LRRC8C: variants seen among roughly 807,000 people sequenced by gnomAD.
LRRC8C encodes the protein leucine rich repeat containing 8 VRAC subunit C.
Under a neutral mutation model 55.3 loss-of-function variants are expected in LRRC8C, and 20 were observed. The ratio of observed to expected loss-of-function variants is 0.36; its 90% CI spans 0.25 to 0.53. The LOEUF (loss-of-function observed/expected upper bound fraction) is 0.53, where lower values mean the gene tolerates loss of function less well. LRRC8C is among the 20% of genes least tolerant of loss of function. LRRC8C has a pLI of 0.92. For synonymous variants in LRRC8C, 376 were observed against 360.7 expected (o/e 1.04, Z -0.48); for missense variants, 659 against 951.4 (o/e 0.69, Z 4.04).
At chr1:89,646,520 T>C (rs758438098) in intron 1 of LRRC8C, among the ~76,000 whole-genome samples, 9 of 152,154 alleles carry the variant, frequency 5.9e-5, no homozygotes, top group South Asian at 2.1e-4. Flanking sequence ...TAAATGATCA[T>C]ATGGTTTTTC....
chr1:89,713,060 A>C lies in LRRC8C; in HGVS notation c.490A>C (p.Lys164Gln). 6.2e-7 allele frequency: 1 copy of C among 1,613,470 alleles called. No homozygotes were observed. The highest frequency in any genetic ancestry group is 8.5e-7 in the Non-Finnish European group (1 of 1,180,018). Residue 164 changes from lysine to glutamine, a missense_variant, in exon 3 of 3, where the codon AAG becomes CAG. Lys to Gln is a moderately conservative substitution (Grantham distance 53, BLOSUM62 1). Around this residue, in one of 5 missense-constraint regions of LRRC8C, gnomAD observed 200 missense variants for 360.5 expected, o/e 0.55. Transcript: ENST00000370454. This position sits in a 1 kb window ranked among gnomAD's most constrained non-coding sequence, Gnocchi z 5.2. Reference sequence around the variant, plus strand: ...AGAACATTTCATCTCCATTCTGGGGAAGTGTTTTGACTCTCCTTGGACCAC... The same window carrying C: ...AGAACATTTCATCTCCATTCTGGGGCAGTGTTTTGACTCTCCTTGGACCAC... ...KIEHFISILG[K>Q]CFDSPWTTRA...
At chr1:89,712,339 C>T (rs1018508048) in intron 2 of LRRC8C, among the ~76,000 whole-genome samples, 7 of 152,204 alleles carry the variant, frequency 4.6e-5, no homozygotes, top group Non-Finnish European at 1.0e-4. Context: ...TTTCAAACTC[C>T]TGACCTCAGG....
chr1:89,619,134 G>A, the LRRC8C span, among the ~76,000 whole-genome samples: 1 of 152,126 alleles, frequency 6.6e-6, no homozygotes, highest in Admixed American at 6.5e-5. Flanking sequence ...TGCGATTTCA[G>A]TAAACAATGA....
At position 89,694,835 on chromosome 1, in the gene LRRC8C, G is replaced by T. The variant is rs1282563842; in HGVS notation, c.138+8224G>T. ...ACTTCTGACCTCAAGTGATCCACCC[G>T]CCTCAGCCTCCCAAAGTGCTGGGAG... is the stretch of plus-strand genomic sequence containing the variant. On this transcript the variant is annotated intron_variant, in intron 2 of 2. Coordinates refer to ENST00000370454, the MANE Select transcript of LRRC8C (RefSeq NM_032270.5). Among the ~76,000 whole-genome samples the T allele has an allele frequency of 2.0e-5, 3 of 149,256 alleles. No individual in the cohort carries two copies. In the Middle Eastern group the frequency reaches 0.011, roughly 549 times the overall value.
At chr1:89,633,358 G>C (rs1435734513) in intron 1 of LRRC8C, 36 bp downstream of exon 1, 1 of 152,396 alleles carries the variant, frequency 6.6e-6, no homozygotes, top group South Asian at 2.1e-4. Flanking sequence ...ATGGAGAGGG[G>C]CAGCCCGCAG....
At chr1:89,621,747 T>C in the LRRC8C span, among the ~76,000 whole-genome samples, 224 of 152,336 alleles carry the variant, frequency 1.5e-3, 2 homozygotes, top group Non-Finnish European at 1.9e-3. Context: ...TTCCTCCCTC[T>C]TTGGATATAG....
At chr1:89,673,483 T>C (rs1657475935) in intron 1 of LRRC8C, among the ~76,000 whole-genome samples, 1 of 152,236 alleles carries the variant, frequency 6.6e-6, no homozygotes, top group Non-Finnish European at 1.5e-5. Flanking sequence ...CCAAGTGATT[T>C]CAAAATACTG....
chr1:89,673,451 T>C (rs1282096143), intron 1 of LRRC8C, among the ~76,000 whole-genome samples: 2 of 152,342 alleles, frequency 1.3e-5, no homozygotes, highest in Middle Eastern at 3.4e-3. Context: ...CCAAGCCAGC[T>C]TTCTTACTAA....
chr1:89,701,518 C>T (rs1658323916), intron 2 of LRRC8C, among the ~76,000 whole-genome samples: 1 of 151,442 alleles, frequency 6.6e-6, no homozygotes, highest in African/African-American at 2.4e-5. Context: ...GAACAATGGA[C>T]TTTATTGTCG....
intron 1 of LRRC8C, among the ~76,000 whole-genome samples, chr1:89,672,427 T>C (rs1459591506): frequency 6.6e-6 from 1 of 152,226 alleles, no homozygotes; most frequent in Non-Finnish European, 1.5e-5. Flanking sequence ...ATCACTTTAT[T>C]CACATTAACG....
chr1:89,641,198 T>C (rs922834608), intron 1 of LRRC8C, among the ~76,000 whole-genome samples: 6 of 151,824 alleles, frequency 4.0e-5, no homozygotes, highest in Non-Finnish European at 1.5e-5. Context: ...ACTAAACTGT[T>C]AGAAAAACTT....
intron 2 of LRRC8C, among the ~76,000 whole-genome samples, chr1:89,704,729 T>C (rs950800707): frequency 6.6e-6 from 1 of 152,058 alleles, no homozygotes; most frequent in African/African-American, 2.4e-5. Context: ...TGAGATACCA[T>C]CTCACACCAG....
chr1:89,711,753 G>T (rs1219219353), intron 2 of LRRC8C, among the ~76,000 whole-genome samples: 1 of 152,216 alleles, frequency 6.6e-6, no homozygotes, highest in African/African-American at 2.4e-5. Flanking sequence ...AACGTTGGTG[G>T]AAGGATGGTG....
intron 1 of LRRC8C, among the ~76,000 whole-genome samples, chr1:89,679,045 G>A (rs1178225392): frequency 6.6e-6 from 1 of 152,098 alleles, no homozygotes; most frequent in Non-Finnish European, 1.5e-5. Flanking sequence ...AAACATTGAG[G>A]CCAGATGCAA....
intron 2 of LRRC8C, among the ~76,000 whole-genome samples, chr1:89,693,961 G>A (rs1658098940): frequency 1.3e-5 from 2 of 151,866 alleles, no homozygotes; most frequent in South Asian, 4.2e-4. Context: ...CGGCCCAGTT[G>A]TATAAAGTTT....
chr1:89,636,949 C>G (rs1328993484), intron 1 of LRRC8C, among the ~76,000 whole-genome samples: 1 of 152,140 alleles, frequency 6.6e-6, no homozygotes, highest in African/African-American at 2.4e-5. Context: ...CAGATGGTTT[C>G]TATTTCCTGA....
chr1:89,654,320 C>T (rs1197857898), intron 1 of LRRC8C, among the ~76,000 whole-genome samples: 2 of 152,102 alleles, frequency 1.3e-5, no homozygotes, highest in Non-Finnish European at 2.9e-5. Flanking sequence ...GTACAATGAA[C>T]ATTATTCAGG....
chr1:89,621,445 C>T, the LRRC8C span, among the ~76,000 whole-genome samples: 1 of 152,200 alleles, frequency 6.6e-6, no homozygotes, highest in South Asian at 2.1e-4. Flanking sequence ...CCAGCCTGGG[C>T]GACAGAGCGA....
intron 1 of LRRC8C, among the ~76,000 whole-genome samples, chr1:89,638,408 A>G (rs540258099): frequency 3.3e-5 from 5 of 152,244 alleles, no homozygotes; most frequent in African/African-American, 1.2e-4. Flanking sequence ...TCTTCAGTGG[A>G]TCACAAACCA....
Sources: allele counts gnomAD v4.1 joint callset (sites outside exome capture counted in the v4.1 genomes callset), GRCh38; gene constraint gnomAD v4.1.1; regional missense constraint gnomAD v4.1.1; non-coding constraint Gnocchi (gnomAD v3.1); transcripts MANE v1.5; gene names NCBI Gene and HGNC (gene_info 2026-07-23, HGNC 2026-07-21).